Variants in PHLDB1 observed in about 807,000 individuals in gnomAD.
PHLDB1 encodes pleckstrin homology like domain family B member 1, also known as pleckstrin homology-like domain family B member 1.
A neutral mutation model predicts 139.3 loss-of-function variants in PHLDB1; 65 were observed. That is an observed-to-expected ratio of 0.47 (90% CI 0.38 to 0.57). The LOEUF (loss-of-function observed/expected upper bound fraction) is 0.57, where lower values mean the gene tolerates loss of function less well. Among genes scored for constraint, PHLDB1 ranks in the 20% least tolerant of loss-of-function variants. The pLI, the probability that PHLDB1 is intolerant of heterozygous loss-of-function variation, is 0.00. For missense variants in PHLDB1, 1,624 were observed against 1,839.7 expected, an observed-to-expected ratio of 0.88 and a Z score of 2.14; for synonymous variants, 679 against 734.5, an observed-to-expected ratio of 0.92 and a Z score of 1.22.
At chr11:118,646,056 C>T (rs12365095) in intron 17 of PHLDB1, among the ~76,000 whole-genome samples, 30,838 of 152,024 alleles carry the variant, frequency 0.2, 3,319 homozygotes, top group South Asian at 0.36. Context: ...GTCAGGAGAT[C>T]GAAACCATCC....
chr11:118,650,216 G>T lies in PHLDB1; in HGVS notation c.3771+23G>T. 6.4e-7 allele frequency: 1 copy of T among 1,558,080 alleles called. No homozygotes were observed. The highest frequency in any genetic ancestry group is 1.1e-5 in the South Asian group (1 of 89,898). On this transcript the variant is annotated intron_variant, in intron 19 of 22. Transcript: ENST00000600882. The surrounding 1 kb of genome is among the most constrained non-coding windows in gnomAD (Gnocchi z 4.7). ...AAGGTACAAGGCGTGTGTGGCCCTG[G>T]GGTGCTGGGGAGAGGGAGAATCCCG...
chr11:118,633,962 C>G (rs529638498), intron 9 of PHLDB1: 17 of 153,032 alleles, frequency 1.1e-4, no homozygotes, highest in African/African-American at 4.1e-4. Flanking sequence ...TTATTCGAGG[C>G]TGTGGTAGTG....
At position 118,614,584 on chromosome 11, in the gene PHLDB1, C is replaced by T. The variant is rs782645297; in HGVS notation, c.86C>T (p.Thr29Ile). ...VQKGPLDLIE[T>I]GKGLKVQTDK... The stretch of plus-strand genomic sequence containing the variant: ...AAAGGACCCTTGGACCTGATCGAGA[C>T]AGGCAAAGGGCTGAAAGTGCAAACG... The change falls in exon 3 of 23, where the codon ACA (threonine) becomes ATA (isoleucine). Residue 29 changes from threonine (T) to isoleucine (I), a missense_variant. Thr to Ile is a moderately conservative substitution (Grantham distance 89). Transcript: ENST00000600882. The T allele has an allele frequency of 6.2e-7, 1 of 1,613,994 alleles. No homozygotes were observed. Among genetic ancestry groups the T allele is most frequent in the Non-Finnish European group, 8.5e-7 (1 of 1,179,926 alleles).
At position 118,644,094 on chromosome 11, in the gene PHLDB1, G is replaced by C; in HGVS notation, c.3041G>C (p.Gly1014Ala). 6.2e-7 allele frequency: 1 copy of C among 1,613,922 alleles called. No homozygotes were observed. Among genetic ancestry groups the C allele is most frequent in the South Asian group, 1.1e-5 (1 of 91,042 alleles). Reference sequence around the variant, plus strand: ...CAGAGCGCTCTACTCACCCAGAATGGCACGGGCAGCCTTCCTCGCAACCTG... The same window carrying C: ...CAGAGCGCTCTACTCACCCAGAATGCCACGGGCAGCCTTCCTCGCAACCTG... ...SPKSALLTQN[G>A]TGSLPRNLAA... is the part of the protein sequence containing the mutation. Residue 1014 changes from glycine to alanine, a missense_variant, in exon 15 of 23, where the codon GGC becomes GCC. Transcript: ENST00000600882.
At chr11:118,656,586 A>G in intron 22 of PHLDB1, 97 bp from the exon 23 acceptor site, 1 of 1,227,704 alleles carries the variant, frequency 8.1e-7, no homozygotes, top group Non-Finnish European at 1.2e-6. Context: ...AGGGCTTTCT[A>G]GGGGCTGGGA....
intron 6 of PHLDB1, among the ~76,000 whole-genome samples, chr11:118,629,092 G>C (rs969417236): frequency 1.3e-5 from 2 of 152,230 alleles, no homozygotes; most frequent in African/African-American, 2.4e-5. Flanking sequence ...GCTAGAATTG[G>C]AACCCAGGTC....
intron 5 of PHLDB1, 85 bp downstream of exon 5, chr11:118,625,144 T>G: frequency 6.8e-7 from 1 of 1,464,328 alleles, no homozygotes; most frequent in Non-Finnish European, 9.1e-7. Context: ...ACACTTGGAG[T>G]GTTAGGGCAA....
At chr11:118,634,587 T>G (rs1565454673) in intron 9 of PHLDB1, 1 of 165,724 alleles carries the variant, frequency 6.0e-6, no homozygotes, top group Non-Finnish European at 1.3e-5. Context: ...GACCAAAATC[T>G]GTGCCCTGCC....
At chr11:118,642,496 CGTCAGCCCAG>C (rs1424294588) in intron 13 of PHLDB1, 102 bp downstream of exon 13, 9 of 1,352,748 alleles carry the variant, frequency 6.7e-6, no homozygotes, top group Non-Finnish European at 9.2e-6. Flanking sequence ...TGAGTGGAGG[CGTCAGCCCAG>C]TCAGGGCAAT....
In PHLDB1 at chr11:118,645,889, A is replaced by C; in HGVS notation, c.3507+64A>C. The stretch of plus-strand genomic sequence containing the variant: ...GGCACAGAGCTACCTACTGCATGTC[A>C]AGGGCCTGTGCTCCACCCCAAGCCC... On this transcript the variant is annotated intron_variant, in intron 17 of 22. Coordinates refer to ENST00000600882, the MANE Select transcript of PHLDB1 (RefSeq NM_001144758.3). This position sits in a 1 kb window ranked among gnomAD's most constrained non-coding sequence, Gnocchi z 5.1. 1 of 1,014,926 alleles carries C rather than the reference A, an allele frequency of 9.9e-7. No homozygotes were observed. Among genetic ancestry groups the C allele is most frequent in the East Asian group, 2.4e-5 (1 of 42,186 alleles). 62.9% of individuals were successfully genotyped at this position (1,014,926 alleles called of 1,614,324 possible).
chr11:118,623,389 G>A (rs559401554), intron 4 of PHLDB1, among the ~76,000 whole-genome samples: 99 of 152,362 alleles, frequency 6.5e-4, no homozygotes, highest in African/African-American at 2.3e-3. Flanking sequence ...TTAGGCGCCT[G>A]TGGGCACATC....
Position 118,625,825 on chromosome 11 carries a change from A to G in PHLDB1, c.481+766A>G, listed in dbSNP as rs965300510. Among the ~76,000 whole-genome samples the G allele has an allele frequency of 7.9e-5, 12 of 152,136 alleles. 1 individual carries two copies. The highest frequency in any genetic ancestry group is 5.2e-4 in the Admixed American group (8 of 15,274). ...AGTATCCATGGCATCCCCTCTGACT[A>G]TATCCCACACAGTCTCCATAATTTT... On this transcript the variant is annotated intron_variant, in intron 5 of 22. Coordinates refer to ENST00000600882, the MANE Select transcript of PHLDB1 (RefSeq NM_001144758.3).
chr11:118,628,316 A>G lies in PHLDB1; in HGVS notation c.1493A>G (p.His498Arg). The change falls in exon 6 of 23, where the codon CAT (histidine) becomes CGT (arginine). Residue 498 changes from histidine (H) to arginine (R), a missense_variant. Physicochemically the swap from His to Arg is conservative, Grantham distance 29. Transcript: ENST00000600882. Reference protein sequence around the residue: ...ESPRPRRWAAHGASPEDFSLT... With the variant: ...ESPRPRRWAARGASPEDFSLT... ...CCTCGGCCCCGGCGCTGGGCAGCCC[A>G]TGGGGCTTCACCAGAGGACTTCTCC... 3 of 1,613,538 alleles carry G rather than the reference A, an allele frequency of 1.9e-6. No homozygotes were observed. Among genetic ancestry groups the G allele is most frequent in the South Asian group, 1.1e-5 (1 of 91,064 alleles).
In PHLDB1 at chr11:118,625,043, C is replaced by T. The variant is rs1555099894; in HGVS notation, c.465C>T (p.Pro155=). ...IPAGGRAPGP[P]YSPVPAESES... is the part of the protein sequence containing the mutation. The stretch of plus-strand genomic sequence containing the variant: ...CAGGGGGCCGAGCCCCTGGGCCCCC[C>T]TACAGCCCTGTTCCTGGTAGGTACC... Residue 155 remains proline (P), a synonymous_variant, in exon 5 of 23, where the codon CCC becomes CCT. Transcript: ENST00000600882. 1.2e-6 allele frequency: 2 copies of T among 1,610,286 alleles called. No individual in the cohort carries two copies. Among genetic ancestry groups the T allele is most frequent in the South Asian group, 2.2e-5 (2 of 90,516 alleles).
In PHLDB1 at chr11:118,655,643, C is replaced by G; in HGVS notation, c.3913C>G (p.Gln1305Glu). The change falls in exon 21 of 23, where the codon CAG becomes GAG. Residue 1305 changes from glutamine (Q) to glutamate (E), a missense_variant. Physicochemically the swap from Gln to Glu is conservative, Grantham distance 29. Coordinates refer to ENST00000600882, the MANE Select transcript of PHLDB1 (RefSeq NM_001144758.3). ...GAAGCTGAAGGGAGTCATCTATTTC[C>G]AGGCCATTGAGGAAGTGTACTACGA... The part of the protein sequence containing the change: ...ETKLKGVIYF[Q>E]AIEEVYYDHL... The G allele has an allele frequency of 6.2e-7, 1 of 1,613,606 alleles. No homozygotes were observed. The highest frequency in any genetic ancestry group is 1.1e-5 in the South Asian group (1 of 91,062).
At chr11:118,644,352 C>G (rs573774270) in intron 15 of PHLDB1, 178 bp downstream of exon 15, 47 of 605,866 alleles carry the variant, frequency 7.8e-5, no homozygotes, top group Non-Finnish European at 1.3e-4. Context: ...TTATCTAAAG[C>G]CTTCAGGGCA....
intron 11 of PHLDB1, 74 bp from the exon 12 acceptor site, chr11:118,639,088 G>A (rs1193273505): frequency 1.3e-6 from 2 of 1,540,218 alleles, no homozygotes; most frequent in South Asian, 1.1e-5. Flanking sequence ...ATGTGCTGGG[G>A]TGGAGCACAG....
In PHLDB1 at chr11:118,645,762, C is replaced by T. The variant is rs139820418; in HGVS notation, c.3444C>T (p.Ile1148=). 1.1e-4 allele frequency: 178 copies of T among 1,613,644 alleles called. No individual in the cohort carries two copies. The African/African-American group carries it at 1.5e-3, about 14-fold the overall frequency. Residue 1148 remains isoleucine (I), a synonymous_variant, in exon 17 of 23, where the codon ATC becomes ATT. Transcript: ENST00000600882. This position sits in a 1 kb window ranked among gnomAD's most constrained non-coding sequence, Gnocchi z 5.1. ...CGAGTGGTCTGGACATGGGGAAGAT[C>T]GAGGAGATGGAGAAGATGCTGAAAG... is the stretch of plus-strand genomic sequence containing the variant. ...SSASGLDMGK[I]EEMEKMLKEA... is the part of the protein sequence containing the mutation.
chr11:118,647,799 T>C (rs1011909459), intron 17 of PHLDB1, 131 bp from the exon 18 acceptor site: 6 of 945,672 alleles, frequency 6.3e-6, no homozygotes, highest in African/African-American at 3.3e-5. Flanking sequence ...GAGGGTGGGC[T>C]TTGAAGATGA....
Sources: gnomAD v4.1 joint callset for allele counts (sites outside exome capture counted in the v4.1 genomes callset) on GRCh38, gnomAD v4.1.1 for gene constraint, Gnocchi (gnomAD v3.1) non-coding constraint, MANE v1.5 for transcripts, NCBI Gene and HGNC (gene_info 2026-07-23, HGNC 2026-07-21) for gene names.